The following FILIP1L variants were observed in gnomAD, a reference collection of about 807,000 sequenced individuals.
The protein encoded by FILIP1L is filamin A interacting protein 1 like, also known as filamin A-interacting protein 1-like.
Under a neutral mutation model 96.6 loss-of-function variants are expected in FILIP1L, and 55 were observed. The ratio of observed to expected loss-of-function variants is 0.57; its 90% CI spans 0.46 to 0.71. The LOEUF (loss-of-function observed/expected upper bound fraction) is 0.71, where lower values mean the gene tolerates loss of function less well. Among genes scored for constraint, FILIP1L ranks in the 30% least tolerant of loss-of-function variants. FILIP1L has a pLI of 0.00. For synonymous variants in FILIP1L, 467 were observed against 473.9 expected, an observed-to-expected ratio of 0.99 and a Z score of 0.19; for missense variants, 1,304 against 1,321.2, an observed-to-expected ratio of 0.99 and a Z score of 0.20.
At chr3:100,090,259 A>G (rs1352303638) in intron 1 of FILIP1L, among the ~76,000 whole-genome samples, 1 of 152,166 alleles carries the variant, frequency 6.6e-6, no homozygotes, top group Non-Finnish European at 1.5e-5. Flanking sequence ...TCAAGATTCA[A>G]ATTTAACTGT....
At chr3:100,017,770 C>CA (rs562207378) in intron 1 of FILIP1L, among the ~76,000 whole-genome samples, 2 of 151,518 alleles carry the variant, frequency 1.3e-5, no homozygotes, top group African/African-American at 2.4e-5. Flanking sequence ...AAAAATAATA[C>CA]AAAAAAAAGA....
At chr3:99,970,338 A>G (rs1708776472) in intron 1 of FILIP1L, among the ~76,000 whole-genome samples, 1 of 152,232 alleles carries the variant, frequency 6.6e-6, no homozygotes, top group South Asian at 2.1e-4. Context: ...ACTGCCCTTC[A>G]GGCCTTCTGG....
rs1405510152 is a variant in FILIP1L, at chr3:99,958,267, G to A, written c.-10-27237C>T. The stretch of plus-strand genomic sequence containing the variant: ...TATTATTATTTGAAGGTAACATGGA[G>A]GTTTAGTTTGAATTTAAGAGAACAG... On this transcript the variant is annotated intron_variant, in intron 1 of 5. Coordinates refer to ENST00000477258, the MANE Select transcript of FILIP1L (RefSeq NM_001387850.1). Among the ~76,000 whole-genome samples, 3 of 148,910 alleles carry A rather than the reference G, an allele frequency of 2.0e-5. No homozygotes were observed. In the East Asian group the frequency reaches 5.9e-4, roughly 29 times the overall value.
Position 99,876,265 on chromosome 3 carries a change from C to T in FILIP1L, c.606-25195G>A, listed in dbSNP as rs973802628. On this transcript the variant is annotated intron_variant, in intron 4 of 5. Coordinates refer to ENST00000477258, the MANE Select transcript of FILIP1L (RefSeq NM_001387850.1). ...GCGTGTGCGGCGCTGTCGGCGGGGGCGCCGGTGACCGCGGGACCCTCGGCC... is the reference window on the plus strand; with the variant it reads ...GCGTGTGCGGCGCTGTCGGCGGGGGTGCCGGTGACCGCGGGACCCTCGGCC... 1,261 of 966,120 alleles carry T rather than the reference C, an allele frequency of 1.3e-3. 2 individuals carry two copies. Among genetic ancestry groups the T allele is most frequent in the Non-Finnish European group, 1.5e-3 (1,223 of 812,538 alleles). The allele number at this position is 966,120 out of a possible 1,614,324, so 59.8% of individuals were successfully genotyped here.
At chr3:100,016,318 G>A (rs929998156) in intron 1 of FILIP1L, among the ~76,000 whole-genome samples, 23 of 152,228 alleles carry the variant, frequency 1.5e-4, no homozygotes, top group Admixed American at 1.2e-3. Context: ...TCAGCCTCCC[G>A]AGTAGGTGGG....
intron 1 of FILIP1L, among the ~76,000 whole-genome samples, chr3:100,021,476 GT>G (rs780211836): frequency 6.6e-6 from 1 of 151,920 alleles, no homozygotes; most frequent in Non-Finnish European, 1.5e-5. Flanking sequence ...AAGTCTCCTT[GT>G]AGAGAAAATT....
At chr3:99,853,012 TTGA>T (rs1198432420) in intron 4 of FILIP1L, among the ~76,000 whole-genome samples, 1 of 152,220 alleles carries the variant, frequency 6.6e-6, no homozygotes, top group African/African-American at 2.4e-5. Context: ...TGGGGTGTCG[TTGA>T]TGATGATCTC....
At chr3:99,907,148 G>T (rs1273148530) in intron 4 of FILIP1L, among the ~76,000 whole-genome samples, 4 of 152,156 alleles carry the variant, frequency 2.6e-5, no homozygotes, top group Non-Finnish European at 5.9e-5. Flanking sequence ...CTTCAACTCA[G>T]ATCTTCAGCT....
chr3:99,944,973 G>T (rs1707965357), intron 1 of FILIP1L, among the ~76,000 whole-genome samples: 1 of 152,178 alleles, frequency 6.6e-6, no homozygotes, highest in Admixed American at 6.5e-5. Flanking sequence ...TCATTATTCG[G>T]CTCATTCTAG....
intron 4 of FILIP1L, among the ~76,000 whole-genome samples, chr3:99,914,835 T>A (rs976702449): frequency 6.6e-6 from 1 of 152,236 alleles, no homozygotes; most frequent in Non-Finnish European, 1.5e-5. Context: ...GAGAATTTGC[T>A]AAATAAGTTG....
At chr3:99,841,425 T>G (rs1943126892) in intron 5 of FILIP1L, among the ~76,000 whole-genome samples, 1 of 152,224 alleles carries the variant, frequency 6.6e-6, no homozygotes, top group Non-Finnish European at 1.5e-5. Context: ...CTCTATTGTT[T>G]AGACCTTTCT....
At chr3:99,924,730 C>G (rs575636837) in intron 3 of FILIP1L, among the ~76,000 whole-genome samples, 8 of 152,282 alleles carry the variant, frequency 5.3e-5, no homozygotes, top group African/African-American at 1.9e-4. Flanking sequence ...CCACGTTGGT[C>G]AGGCTGGTCT....
intron 1 of FILIP1L, among the ~76,000 whole-genome samples, chr3:99,998,004 T>C (rs1709732171): frequency 6.6e-6 from 1 of 152,226 alleles, no homozygotes; most frequent in African/African-American, 2.4e-5. Flanking sequence ...TGCTAGAGCA[T>C]AGAGCTAAAA....
chr3:99,934,655 C>T (rs560096109), intron 1 of FILIP1L, among the ~76,000 whole-genome samples: 1 of 152,252 alleles, frequency 6.6e-6, no homozygotes, highest in East Asian at 1.9e-4. Context: ...AAGTAGTGCC[C>T]TTTTAGCTTA....
At position 99,849,025 on chromosome 3, in the gene FILIP1L, G is replaced by A. The variant is rs1218084838; in HGVS notation, c.2651C>T (p.Ala884Val). The A allele has an allele frequency of 6.2e-7, 1 of 1,614,106 alleles. No individual in the cohort carries two copies. Among genetic ancestry groups the A allele is most frequent in the South Asian group, 1.1e-5 (1 of 91,080 alleles). Residue 884 changes from alanine to valine, a missense_variant, in exon 5 of 6, where the codon GCC (alanine) becomes GTC (valine). Coordinates refer to ENST00000477258, the MANE Select transcript of FILIP1L (RefSeq NM_001387850.1). The part of the protein sequence containing the change: ...QNGKMQTKPN[A>V]NFVQPGDLVL... ...TAGATCTCCAGGTTGCACAAAGTTG[G>A]CATTGGGTTTAGTTTGCATTTTTCC...
Position 99,849,101 on chromosome 3 carries a change from T to C in FILIP1L, c.2575A>G (p.Arg859Gly). The C allele has an allele frequency of 1.9e-6, 3 of 1,614,174 alleles. No individual in the cohort carries two copies. The highest frequency in any genetic ancestry group is 2.5e-6 in the Non-Finnish European group (3 of 1,180,004). ...TTCATCCAGGGAATCCATAGCTTTC[T>C]GTTAACAGGACATGGAGTAGACTGG... ...CSQSTPCPVN[R>G]KLWIPWMKSK... Residue 859 changes from arginine to glycine, a missense_variant, in exon 5 of 6, where the codon AGA (arginine) becomes GGA (glycine). By Grantham distance (125) the Arg-to-Gly change is moderately radical. Transcript: ENST00000477258.
At chr3:99,843,528 G>T (rs1471883993) in intron 5 of FILIP1L, among the ~76,000 whole-genome samples, 1 of 152,176 alleles carries the variant, frequency 6.6e-6, no homozygotes, top group Non-Finnish European at 1.5e-5. Context: ...CAATACAGAT[G>T]CTTTTTGACT....
At chr3:100,054,190 G>A (rs1213199287) in intron 1 of FILIP1L, among the ~76,000 whole-genome samples, 1 of 152,162 alleles carries the variant, frequency 6.6e-6, no homozygotes, top group Admixed American at 6.5e-5. Context: ...TGTGAAGGAG[G>A]TTCAGAGCAA....
At chr3:100,049,644 C>T (rs746673924) in intron 1 of FILIP1L, among the ~76,000 whole-genome samples, 4 of 152,174 alleles carry the variant, frequency 2.6e-5, no homozygotes, top group Non-Finnish European at 4.4e-5. Flanking sequence ...TTCTGCCATT[C>T]CTGAGACAGC....
Sources: allele counts gnomAD v4.1 joint callset (sites outside exome capture counted in the v4.1 genomes callset), GRCh38; gene constraint gnomAD v4.1.1; transcripts MANE v1.5; gene names NCBI Gene and HGNC (gene_info 2026-07-23, HGNC 2026-07-21).